ERO1A: variants seen among roughly 807,000 people sequenced by gnomAD.
ERO1A encodes endoplasmic reticulum oxidoreductase 1 alpha.
A neutral mutation model predicts 76.9 loss-of-function variants in ERO1A; 49 were observed. The ratio of observed to expected loss-of-function variants is 0.64; its 90% CI spans 0.51 to 0.81. The LOEUF (loss-of-function observed/expected upper bound fraction) is 0.81, where lower values mean the gene tolerates loss of function less well. Among genes scored for constraint, ERO1A ranks in the 30% least tolerant of loss-of-function variants. ERO1A has a pLI of 0.00. For missense variants in ERO1A, 448 were observed against 542.1 expected, an observed-to-expected ratio of 0.83 and a Z score of 1.72; for synonymous variants, 174 against 181.2, an observed-to-expected ratio of 0.96 and a Z score of 0.32.
intron 3 of ERO1A, among the ~76,000 whole-genome samples, chr14:52,681,518 G>A (rs565859864): frequency 2.6e-5 from 4 of 152,146 alleles, no homozygotes; most frequent in South Asian, 2.1e-4. Flanking sequence ...CAGGAGAATC[G>A]CTTGAACCCA....
intron 1 of ERO1A, among the ~76,000 whole-genome samples, chr14:52,687,144 T>C (rs1457047730): frequency 6.6e-6 from 1 of 152,154 alleles, no homozygotes; most frequent in African/African-American, 2.4e-5. Flanking sequence ...AGCATGTTAC[T>C]AGAATAGAAT....
rs570221745 is a variant in ERO1A at position 52,654,416 on chromosome 14, A to ATT, written c.809-1103_809-1102dup. On this transcript the variant is annotated intron_variant, in intron 11 of 15. Transcript: ENST00000395686. ...ATTAAAGAATTCTACATAAGCCTGT[A>ATT]TTTTTTTTTACTTATTTTATTCTCA... 2.4e-3 allele frequency among the ~76,000 whole-genome samples: 366 copies of ATT among 151,418 alleles called. 2 individuals are homozygous for ATT. Among genetic ancestry groups the ATT allele is most frequent in the African/African-American group, 8.6e-3 (355 of 41,334 alleles).
In ERO1A at chr14:52,652,322, C is replaced by G. The variant is rs1238609882; in HGVS notation, c.1056-14G>C. ...AAAGGAAATGACCTGCGTTTTAAAACAGAGAATATTCATTTTCATGTGTTA... is the reference window on the plus strand; with the variant it reads ...AAAGGAAATGACCTGCGTTTTAAAAGAGAGAATATTCATTTTCATGTGTTA... On this transcript the variant is annotated splice_polypyrimidine_tract_variant and intron_variant, in intron 12 of 15. Transcript: ENST00000395686. The G allele has an allele frequency of 6.4e-7, 1 of 1,565,326 alleles. No individual in the cohort carries two copies. Among genetic ancestry groups the G allele is most frequent in the Admixed American group, 1.7e-5 (1 of 59,792 alleles).
In ERO1A at chr14:52,671,845, A is replaced by G. The variant is rs750626337; in HGVS notation, c.384T>C (p.Ile128=). The G allele has an allele frequency of 1.9e-6, 3 of 1,606,228 alleles. No homozygotes were observed. In the African/African-American group the frequency reaches 4.0e-5, roughly 22 times the overall value. The change falls in exon 5 of 16, where the codon ATT becomes ATC. Residue 128 remains isoleucine (I), a synonymous_variant. Coordinates refer to ENST00000395686, the MANE Select transcript of ERO1A (RefSeq NM_014584.3). The part of the protein sequence containing the change: ...YKYSEEANNL[I]EECEQAERLG... ...GTCGTTCAGCTTGTTCACATTCTTC[A>G]ATGAGATTATTGGCTTCTTCAGAAT...
At chr14:52,651,988 A>C (rs1594820302) in intron 13 of ERO1A, among the ~76,000 whole-genome samples, 9 of 124,756 alleles carry the variant, frequency 7.2e-5, no homozygotes, top group Admixed American at 8.1e-5. Flanking sequence ...TCTACTCTCT[A>C]CTTTTTTTTT....
At chr14:52,684,150 C>CACACACAGAG (rs879218530) in intron 1 of ERO1A, among the ~76,000 whole-genome samples, 269 of 139,388 alleles carry the variant, frequency 1.9e-3, no homozygotes, top group Non-Finnish European at 3.0e-3. Flanking sequence ...CACACACACA[C>CACACACAGAG]AGAGAGAGTT....
At chr14:52,645,877 CACACA>C (rs2039634914) in intron 15 of ERO1A, among the ~76,000 whole-genome samples, 1 of 148,080 alleles carries the variant, frequency 6.8e-6, no homozygotes, top group Admixed American at 6.7e-5. Flanking sequence ...CACACACACA[CACACA>C]CAAATTAGCC....
chr14:52,684,142 C>T (rs564804497), intron 1 of ERO1A, among the ~76,000 whole-genome samples: 5 of 127,934 alleles, frequency 3.9e-5, no homozygotes, highest in African/African-American at 1.0e-4. Flanking sequence ...CACACACACA[C>T]ACACACACAG....
Position 52,680,911 on chromosome 14 carries a change from T to A in ERO1A, c.318+1414A>T, listed in dbSNP as rs540183808. On this transcript the variant is annotated intron_variant, in intron 3 of 15. Coordinates refer to ENST00000395686, the MANE Select transcript of ERO1A (RefSeq NM_014584.3). Reference sequence around the variant, plus strand: ...AAGTCTGTGTAACAATATTTACATATGTAAAATTAAACCACCCAAAACCAC... The same window carrying A: ...AAGTCTGTGTAACAATATTTACATAAGTAAAATTAAACCACCCAAAACCAC... 1.2e-3 allele frequency among the ~76,000 whole-genome samples: 181 copies of A among 152,310 alleles called. 1 individual carries two copies. Among genetic ancestry groups the A allele is most frequent in the African/African-American group, 4.0e-3 (168 of 41,568 alleles).
rs1420821120 is a variant in ERO1A at position 52,640,435 on chromosome 14, G to GT, written c.*3134dup. 6.6e-6 allele frequency: 1 copy of GT among 152,230 alleles called. No individual in the cohort carries two copies. Among genetic ancestry groups the GT allele is most frequent in the Non-Finnish European group, 1.5e-5 (1 of 68,056 alleles). The allele number at this position is 152,230 out of a possible 1,614,324, so 9.4% of individuals were successfully genotyped here. A position where few individuals can be genotyped will look rare whatever the true frequency, so the allele number is the denominator to read the frequency against. The stretch of plus-strand genomic sequence containing the variant: ...GGCCAAATGTGGCTTCTGAAGAAGT[G>GT]TAAGTCTGTTTCACCAGAACATTCG... On this transcript the variant is annotated 3_prime_UTR_variant, in exon 16 of 16. Transcript: ENST00000395686.
chr14:52,682,370 G>A lies in ERO1A; in HGVS notation c.273C>T (p.Ile91=). 1 of 1,612,266 alleles carries A rather than the reference G, an allele frequency of 6.2e-7. No individual in the cohort carries two copies. Among genetic ancestry groups the A allele is most frequent in the Non-Finnish European group, 8.5e-7 (1 of 1,178,942 alleles). The change falls in exon 3 of 16, where the codon ATC becomes ATT. Residue 91 remains isoleucine, a synonymous_variant. Coordinates refer to ENST00000395686, the MANE Select transcript of ERO1A (RefSeq NM_014584.3). The part of the protein sequence containing the change: ...LKRPCPFWND[I]SQCGRRDCAV... ...CACAGTCCCTTCTTCCACACTGGCTGATGTCATTCCAGAAAGGACACGGCC... is the reference window on the plus strand; with the variant it reads ...CACAGTCCCTTCTTCCACACTGGCTAATGTCATTCCAGAAAGGACACGGCC...
In ERO1A at chr14:52,641,568, C is replaced by A. The variant is rs771978439; in HGVS notation, c.*2002G>T. The A allele has an allele frequency of 6.6e-6, 1 of 151,828 alleles. No homozygotes were observed. The highest frequency in any genetic ancestry group is 1.5e-5 in the Non-Finnish European group (1 of 68,014). The allele number at this position is 151,828 out of a possible 1,614,324, so 9.4% of individuals were successfully genotyped here. A position where few individuals can be genotyped will look rare whatever the true frequency, so the allele number is the denominator to read the frequency against. On this transcript the variant is annotated 3_prime_UTR_variant, in exon 16 of 16. Transcript: ENST00000395686. ...GGCAGAGCTTGCAGTGAGCTAAGAT[C>A]ACGCCACTGCACTCCAACCTGGGCG...
chr14:52,688,719 G>A (rs958844814), intron 1 of ERO1A, among the ~76,000 whole-genome samples: 7 of 152,152 alleles, frequency 4.6e-5, no homozygotes, highest in Non-Finnish European at 8.8e-5. Context: ...TAGCTGTGGA[G>A]GGAGCCTCAA....
rs755311984 is a variant in ERO1A at position 52,643,577 on chromosome 14, A to G, written c.1400T>C (p.Ile467Thr). Residue 467 changes from isoleucine to threonine, a missense_variant, in exon 16 of 16, where the codon ATT (isoleucine) becomes ACT (threonine). Physicochemically the swap from Ile to Thr is moderately conservative, Grantham distance 89. Transcript: ENST00000395686. ...LENFRNLLQN[I>T]H ...CATATCAGCTTGTTTTCTTTAATGA[A>G]TATTCTGTAACAAGTTCCTGAAGTT... is the stretch of plus-strand genomic sequence containing the variant. 2.0e-5 allele frequency: 29 copies of G among 1,480,158 alleles called. No individual in the cohort carries two copies. Among genetic ancestry groups the G allele is most frequent in the Non-Finnish European group, 2.5e-5 (28 of 1,120,780 alleles). 91.7% of individuals were successfully genotyped at this position (1,480,158 alleles called of 1,614,324 possible).
chr14:52,661,290 T>G lies in ERO1A; in HGVS notation c.688+3A>C. ...TATGTAATATATAATAAATTATACT[T>G]ACCTTCACTTGTCCCTGAAAAGCAA... On this transcript the variant is annotated splice_donor_region_variant and intron_variant, in intron 9 of 15. Coordinates refer to ENST00000395686, the MANE Select transcript of ERO1A (RefSeq NM_014584.3). 7.8e-7 allele frequency: 1 copy of G among 1,290,162 alleles called. No individual in the cohort carries two copies. Among genetic ancestry groups the G allele is most frequent in the South Asian group, 1.7e-5 (1 of 58,504 alleles). The allele number at this position is 1,290,162 out of a possible 1,614,324, so 79.9% of individuals were successfully genotyped here.
chr14:52,657,797 A>C (rs1277895928), intron 11 of ERO1A, 120 bp downstream of exon 11: 4 of 643,326 alleles, frequency 6.2e-6, no homozygotes, highest in Non-Finnish European at 8.0e-6. Context: ...TTTAAGAGTG[A>C]ATTTTTACTG....
At chr14:52,672,071 G>A (rs1012075665) in intron 4 of ERO1A, 200 bp from the exon 5 acceptor site, 22 of 423,028 alleles carry the variant, frequency 5.2e-5, no homozygotes, top group Middle Eastern at 6.7e-4. Context: ...GTGGGAGCCC[G>A]AGGCAGGTGG....
intron 15 of ERO1A, among the ~76,000 whole-genome samples, chr14:52,644,921 TA>T (rs1462492648): frequency 6.6e-6 from 1 of 152,218 alleles, no homozygotes; most frequent in African/African-American, 2.4e-5. Context: ...AAAATTGTAA[TA>T]TTTTTTAAAT....
rs1649087624 is a variant in ERO1A at position 52,683,816 on chromosome 14, A to T, written c.206T>A (p.Leu69His). 1 of 1,536,500 alleles carries T rather than the reference A, an allele frequency of 6.5e-7. No individual in the cohort carries two copies. Among genetic ancestry groups the T allele is most frequent in the South Asian group, 1.2e-5 (1 of 82,548 alleles). Reference sequence around the variant, plus strand: ...GTAATACCTAAAGTAGTCACTTTCAAGAAGTTTTTGTAGTCTTGGGAAAAG... The same window carrying T: ...GTAATACCTAAAGTAGTCACTTTCATGAAGTTTTTGTAGTCTTGGGAAAAG... ...YRLFPRLQKL[L>H]ESDYFRYYKV... is the part of the protein sequence containing the mutation. The change falls in exon 2 of 16, where the codon CTT becomes CAT. Residue 69 changes from leucine (L) to histidine (H), a missense_variant. Leu to His is a moderately conservative substitution (Grantham distance 99, BLOSUM62 -3). Coordinates refer to ENST00000395686, the MANE Select transcript of ERO1A (RefSeq NM_014584.3).
Sources: allele counts gnomAD v4.1 joint callset (sites outside exome capture counted in the v4.1 genomes callset), GRCh38; gene constraint gnomAD v4.1.1; transcripts MANE v1.5; gene names NCBI Gene and HGNC (gene_info 2026-07-23, HGNC 2026-07-21).